Variants in NEK11 observed in about 807,000 individuals in gnomAD.
NEK11 encodes serine/threonine-protein kinase Nek11.
In NEK11, 72 loss-of-function variants were observed where a neutral mutation model predicts 80.7. The observed-to-expected ratio is 0.89, with a 90% confidence interval of 0.74 to 1.08. The LOEUF (loss-of-function observed/expected upper bound fraction) is 1.08. NEK11 is among the 50% of genes least tolerant of loss of function. The pLI, the probability that NEK11 is intolerant of heterozygous loss-of-function variation, is 0.00. For missense variants in NEK11, 764 were observed against 763.6 expected (o/e 1.00, Z -0.01); for synonymous variants, 251 against 260.7 (o/e 0.96, Z 0.36).
At chr3:131,248,085 T>C (rs1244692732) in intron 16 of NEK11, among the ~76,000 whole-genome samples, 1 of 152,132 alleles carries the variant, frequency 6.6e-6, no homozygotes, top group African/African-American at 2.4e-5. Context: ...GTGCTATTTA[T>C]TTTTCTCTTG....
chr3:131,201,303 G>A (rs1159788658), intron 14 of NEK11, among the ~76,000 whole-genome samples: 3 of 151,598 alleles, frequency 2.0e-5, no homozygotes, highest in African/African-American at 7.3e-5. Flanking sequence ...TGAAAAGCAG[G>A]CTTACAAATA....
chr3:131,337,068 GC>G (rs1339496354), intron 17 of NEK11, among the ~76,000 whole-genome samples: 9 of 152,146 alleles, frequency 5.9e-5, no homozygotes, highest in Non-Finnish European at 1.0e-4. Context: ...AATTCCTCAG[GC>G]ATCTAGAACT....
chr3:131,270,968 G>C (rs2096173196), intron 16 of NEK11, among the ~76,000 whole-genome samples: 2 of 152,116 alleles, frequency 1.3e-5, no homozygotes, highest in South Asian at 4.2e-4. Context: ...AACTTTTTAG[G>C]TTCTAGGAAA....
At chr3:131,304,512 T>C (rs527911886) in intron 17 of NEK11, among the ~76,000 whole-genome samples, 1 of 152,340 alleles carries the variant, frequency 6.6e-6, no homozygotes, top group African/African-American at 2.4e-5. Flanking sequence ...TGGTTCTTTC[T>C]CATATTTGTG....
At chr3:131,201,921 G>A (rs1243318495) in intron 14 of NEK11, among the ~76,000 whole-genome samples, 4 of 152,104 alleles carry the variant, frequency 2.6e-5, no homozygotes, top group Non-Finnish European at 1.5e-5. Flanking sequence ...TGCAATCTCT[G>A]CCTCACCGGA....
At chr3:131,310,439 C>G (rs1239295167) in intron 17 of NEK11, among the ~76,000 whole-genome samples, 2 of 152,066 alleles carry the variant, frequency 1.3e-5, no homozygotes, top group African/African-American at 4.8e-5. Flanking sequence ...CCTCATAGAC[C>G]TCAAAGACTA....
At chr3:131,154,695 C>T (rs2090339864) in intron 9 of NEK11, among the ~76,000 whole-genome samples, 1 of 152,094 alleles carries the variant, frequency 6.6e-6, no homozygotes. Context: ...CTTGCACTGG[C>T]CCTGGGAGTG....
intron 16 of NEK11, among the ~76,000 whole-genome samples, chr3:131,259,538 T>C (rs980666441): frequency 6.6e-6 from 1 of 152,128 alleles, no homozygotes; most frequent in Admixed American, 6.6e-5. Flanking sequence ...GGCAGGACTT[T>C]TATGCATGAG....
intron 15 of NEK11, 56 bp downstream of exon 15, chr3:131,228,744 C>G: frequency 6.6e-7 from 1 of 1,513,570 alleles, no homozygotes; most frequent in East Asian, 2.3e-5. Context: ...TGATTGGACT[C>G]TCCCAGAGAA....
chr3:131,274,444 C>A (rs1238166908), intron 17 of NEK11, among the ~76,000 whole-genome samples: 1 of 149,382 alleles, frequency 6.7e-6, no homozygotes, highest in Non-Finnish European at 1.5e-5. Flanking sequence ...TTTATAGCAG[C>A]ATGATTTATA....
chr3:131,262,375 A>AT (rs2095942519), intron 16 of NEK11, among the ~76,000 whole-genome samples: 1 of 152,070 alleles, frequency 6.6e-6, no homozygotes. Flanking sequence ...TACACAAATA[A>AT]TTTTTTTAAC....
intron 17 of NEK11, among the ~76,000 whole-genome samples, chr3:131,308,716 C>T (rs556627270): frequency 1.3e-5 from 2 of 152,308 alleles, no homozygotes; most frequent in African/African-American, 2.4e-5. Context: ...CCTGAGGATT[C>T]TCAAGACTCA....
chr3:131,243,552 A>T (rs2095550498), intron 16 of NEK11, 56 bp downstream of exon 16: 1 of 1,424,580 alleles, frequency 7.0e-7, no homozygotes, highest in African/African-American at 1.4e-5. Flanking sequence ...TTATCTTGGA[A>T]TAACTTGGAA....
intron 15 of NEK11, among the ~76,000 whole-genome samples, chr3:131,238,273 G>T: frequency 6.6e-6 from 1 of 152,116 alleles, no homozygotes; most frequent in South Asian, 2.1e-4. Context: ...CTTTATTGCC[G>T]TCTGAGTGGC....
intron 17 of NEK11, among the ~76,000 whole-genome samples, chr3:131,310,248 T>G (rs1298133742): frequency 1.3e-5 from 2 of 152,164 alleles, no homozygotes; most frequent in Non-Finnish European, 2.9e-5. Context: ...GTTTGCTCAC[T>G]AATTTATGAT....
intron 17 of NEK11, among the ~76,000 whole-genome samples, chr3:131,292,741 C>T (rs2096556611): frequency 1.3e-5 from 2 of 152,124 alleles, no homozygotes; most frequent in African/African-American, 4.8e-5. Context: ...AATCTCTCTC[C>T]ATTTTTTTAG....
At chr3:131,315,467 CTGTGTGTGTGTGTGTG>C (rs111470166) in intron 17 of NEK11, among the ~76,000 whole-genome samples, 9 of 137,542 alleles carry the variant, frequency 6.5e-5, no homozygotes, top group Non-Finnish European at 1.2e-4. Flanking sequence ...AATAATATTC[CTGTGTGTGTGTGTGTG>C]TGTGTGTGTG....
chr3:131,315,776 G>C (rs569924922), intron 17 of NEK11, among the ~76,000 whole-genome samples: 1 of 151,456 alleles, frequency 6.6e-6, no homozygotes, highest in Non-Finnish European at 1.5e-5. Context: ...CTCATTATTC[G>C]GCTTCCACTT....
intron 16 of NEK11, among the ~76,000 whole-genome samples, chr3:131,252,710 A>G (rs1195173577): frequency 6.6e-6 from 1 of 152,126 alleles, no homozygotes; most frequent in Non-Finnish European, 1.5e-5. Context: ...TAGAGGGCTT[A>G]AAATACAGGT....
Sources: allele counts gnomAD v4.1 joint callset (sites outside exome capture counted in the v4.1 genomes callset), GRCh38; gene constraint gnomAD v4.1.1; transcripts MANE v1.5; gene names NCBI Gene and HGNC (gene_info 2026-07-23, HGNC 2026-07-21).